COPG2: variants seen among roughly 807,000 people sequenced by gnomAD.
COPG2 encodes coat protein complex I subunit gamma 2.
In COPG2, 37 loss-of-function variants were observed where a neutral mutation model predicts 46.3. The observed-to-expected ratio is 0.80, with a 90% CI of 0.61 to 1.05. The LOEUF (loss-of-function observed/expected upper bound fraction) is 1.05, where lower values mean the gene tolerates loss of function less well. COPG2 is among the 50% of genes least tolerant of loss of function. The pLI is 0.00. For synonymous variants in COPG2, 159 were observed against 129.7 expected (o/e 1.23, Z -1.53); for missense variants, 427 against 387.8 (o/e 1.10, Z -0.85).
intron 7 of COPG2, among the ~76,000 whole-genome samples, chr7:130,613,058 G>A (rs1794882225): frequency 6.6e-6 from 1 of 152,136 alleles, no homozygotes; most frequent in Non-Finnish European, 1.5e-5. Context: ...TGATCCTATA[G>A]ATCAGCAATC....
rs375879111 is a variant in COPG2 at position 130,508,618 on chromosome 7, C to T, written c.2191G>A (p.Asp731Asn). 2.6e-6 allele frequency: 2 copies of T among 775,462 alleles called. No individual in the cohort carries two copies. The highest frequency in any genetic ancestry group is 1.7e-5 in the Admixed American group (1 of 58,280). 48.0% of individuals were successfully genotyped at this position (775,462 alleles called of 1,614,324 possible). Residue 731 changes from aspartate to asparagine, a missense_variant, in exon 21 of 24, where the codon GAC becomes AAC. Physicochemically the swap from Asp to Asn is conservative, Grantham distance 23. Transcript: ENST00000425248. ...GGAACTCCAGTGTTAGGGTCACAGT[C>T]CCGGACTGTAAACTTCATGGTGCAG... ...FSCTMKFTVR[D>N]CDPNTGVPDE... is the part of the protein sequence containing the mutation.
chr7:130,662,967 A>G lies in COPG2; in HGVS notation c.243T>C (p.Asp81=). 2 of 1,535,868 alleles carry G rather than the reference A, an allele frequency of 1.3e-6. No homozygotes were observed. The highest frequency in any genetic ancestry group is 1.2e-5 in the South Asian group (1 of 81,326). The change falls in exon 4 of 24, where the codon GAT becomes GAC. Residue 81 remains aspartate, a splice_region_variant and synonymous_variant. Transcript: ENST00000425248. The part of the protein sequence containing the change: ...FAMTRLFQSN[D]QTLRRMCYLT... ...GTAAAAAAAATTTAAAAAGACTTAC[A>G]TCATTAGATTGAAACAATCGCGTCA... is the stretch of plus-strand genomic sequence containing the variant.
At chr7:130,665,137 C>T (rs1320627891) in intron 3 of COPG2, among the ~76,000 whole-genome samples, 3 of 152,044 alleles carry the variant, frequency 2.0e-5, no homozygotes, top group African/African-American at 7.2e-5. Context: ...GCCGAGATTG[C>T]GCCACTGCAC....
chr7:130,530,690 A>C (rs1799815740), intron 20 of COPG2, among the ~76,000 whole-genome samples: 1 of 152,086 alleles, frequency 6.6e-6, no homozygotes, highest in Non-Finnish European at 1.5e-5. Flanking sequence ...ATGTGGACGC[A>C]AGGGGAAAGG....
At chr7:130,565,742 A>AT (rs1277775561) in intron 9 of COPG2, among the ~76,000 whole-genome samples, 124 of 149,004 alleles carry the variant, frequency 8.3e-4, no homozygotes, top group African/African-American at 2.3e-3. Flanking sequence ...GACAGAAATG[A>AT]TTTTTTTTTT....
At chr7:130,542,801 T>G (rs1368821328) in intron 20 of COPG2, among the ~76,000 whole-genome samples, 1 of 152,040 alleles carries the variant, frequency 6.6e-6, no homozygotes, top group Non-Finnish European at 1.5e-5. Context: ...GAGATAACCT[T>G]ATGAATTTGT....
At chr7:130,643,953 A>T (rs545502799) in intron 5 of COPG2, among the ~76,000 whole-genome samples, 28 of 152,294 alleles carry the variant, frequency 1.8e-4, no homozygotes, top group Admixed American at 8.5e-4. Flanking sequence ...TGGGTGACAG[A>T]GAGAGACCCT....
chr7:130,592,395 C>CA (rs1187335882), intron 9 of COPG2, among the ~76,000 whole-genome samples: 20,179 of 74,778 alleles, frequency 0.27, 2,762 homozygotes, highest in African/African-American at 0.49. Flanking sequence ...CAAGAATGAT[C>CA]AAAAAAAAAA....
chr7:130,530,106 G>A (rs1458872229), intron 20 of COPG2, among the ~76,000 whole-genome samples: 1 of 152,116 alleles, frequency 6.6e-6, no homozygotes, highest in Admixed American at 6.6e-5. Context: ...GAGCAAGAGA[G>A]GAGGAAAGGT....
At position 130,555,402 on chromosome 7, in the gene COPG2, C is replaced by T. The variant is rs954266559; in HGVS notation, c.1129-270G>A. Among the ~76,000 whole-genome samples, 51 of 152,246 alleles carry T rather than the reference C, an allele frequency of 3.3e-4. No individual in the cohort carries two copies. The East Asian group carries it at 8.5e-3, about 25-fold the overall frequency. On this transcript the variant is annotated intron_variant, in intron 12 of 23. Coordinates refer to ENST00000425248, the MANE Select transcript of COPG2 (RefSeq NM_012133.6). ...CTTCCCTCTGTCTCAGACAAATGAT[C>T]ACATCAAAGATTTTAAAGTGAACCA...
chr7:130,594,738 C>T (rs1554449500), intron 9 of COPG2, among the ~76,000 whole-genome samples: 2 of 152,086 alleles, frequency 1.3e-5, no homozygotes, highest in African/African-American at 4.8e-5. Flanking sequence ...TGGAGATTGG[C>T]AATAAACACA....
intron 20 of COPG2, among the ~76,000 whole-genome samples, chr7:130,538,920 A>G (rs1335834285): frequency 1.3e-5 from 2 of 152,240 alleles, no homozygotes; most frequent in South Asian, 2.1e-4. Context: ...AAACACAGGT[A>G]GCATCTTAGA....
intron 9 of COPG2, among the ~76,000 whole-genome samples, chr7:130,579,098 GA>G (rs1794077825): frequency 1.4e-5 from 1 of 72,638 alleles, no homozygotes; most frequent in South Asian, 5.5e-4. Flanking sequence ...CAGCCAGAGA[GA>G]AAGGTCGGGT....
chr7:130,638,748 G>A (rs576015930), intron 5 of COPG2, among the ~76,000 whole-genome samples: 48 of 151,984 alleles, frequency 3.2e-4, no homozygotes, highest in Non-Finnish European at 6.0e-4. Flanking sequence ...GTTCTGTCTC[G>A]CTGGCATTCC....
chr7:130,561,137 T>C lies in COPG2; in HGVS notation c.1024A>G (p.Thr342Ala), dbSNP rs1584973797. ...TTGAGGAGTGTAGTAATGGCTAAGG[T>C]AGCAATGCTTCTGTTTGAGTCTGTG... ...LITDSNRSIATLAITTLLKTG... is the reference protein window; with the variant it reads ...LITDSNRSIAALAITTLLKTG... The change falls in exon 12 of 24, where the codon ACC (threonine) becomes GCC (alanine). Residue 342 changes from threonine to alanine, a missense_variant. Physicochemically the swap from Thr to Ala is moderately conservative, Grantham distance 58 (BLOSUM62 0). Coordinates refer to ENST00000425248, the MANE Select transcript of COPG2 (RefSeq NM_012133.6). 1 of 398,474 alleles carries C rather than the reference T, an allele frequency of 2.5e-6. No homozygotes were observed. The highest frequency in any genetic ancestry group is 4.4e-6 in the Non-Finnish European group (1 of 226,060). 24.7% of individuals were successfully genotyped at this position (398,474 alleles called of 1,614,324 possible).
chr7:130,562,274 G>T (rs906495732), intron 11 of COPG2, among the ~76,000 whole-genome samples: 2 of 152,190 alleles, frequency 1.3e-5, no homozygotes, highest in African/African-American at 4.8e-5. Flanking sequence ...CATGAGAATC[G>T]CTTGAACCTG....
In COPG2 at chr7:130,659,208, A is replaced by G. The variant is rs189350098; in HGVS notation, c.243+3759T>C. ...GTCTCTACTAAAAATACAAAAAATT[A>G]TCCAGGTGTGGTGGCGGGTGCCTGT... On this transcript the variant is annotated intron_variant, in intron 4 of 23. Coordinates refer to ENST00000425248, the MANE Select transcript of COPG2 (RefSeq NM_012133.6). Among the ~76,000 whole-genome samples, 6 of 151,930 alleles carry G rather than the reference A, an allele frequency of 3.9e-5. No homozygotes were observed. In the East Asian group the frequency reaches 1.2e-3, roughly 30 times the overall value.
intron 5 of COPG2, among the ~76,000 whole-genome samples, chr7:130,640,261 A>T (rs983558335): frequency 1.4e-4 from 20 of 141,148 alleles, no homozygotes; most frequent in Admixed American, 3.2e-4. Context: ...TCCCTGATTC[A>T]GTCTGCCCTT....
At position 130,590,198 on chromosome 7, in the gene COPG2, C is replaced by G. The variant is rs556324140; in HGVS notation, c.737+20755G>C. Reference sequence around the variant, plus strand: ...AAATGTTCAGGAGAGCTCTCCCTCTCCCTCTCCCTCTCCCCACGGTCTCTC... The same window carrying G: ...AAATGTTCAGGAGAGCTCTCCCTCTGCCTCTCCCTCTCCCCACGGTCTCTC... On this transcript the variant is annotated intron_variant, in intron 9 of 23. Transcript: ENST00000425248. Among the ~76,000 whole-genome samples, 3 of 152,008 alleles carry G rather than the reference C, an allele frequency of 2.0e-5. No individual in the cohort carries two copies. In the South Asian group the frequency reaches 6.2e-4, roughly 32 times the overall value.
Sources: allele counts gnomAD v4.1 joint callset (sites outside exome capture counted in the v4.1 genomes callset), GRCh38; gene constraint gnomAD v4.1.1; transcripts MANE v1.5; gene names NCBI Gene and HGNC (gene_info 2026-07-23, HGNC 2026-07-21).